ASPH: variants seen among roughly 807,000 people sequenced by gnomAD.
ASPH encodes aspartate beta-hydroxylase.
A neutral mutation model predicts 118.4 loss-of-function variants in ASPH; 100 were observed. That is an observed-to-expected ratio of 0.84 (90% CI 0.72 to 1.00). ASPH has a LOEUF of 1.00. Ranked by LOEUF, ASPH falls within the 50% of genes least tolerant of loss-of-function variation. The pLI is 0.00. For missense variants in ASPH, 920 were observed against 919.5 expected, an observed-to-expected ratio of 1.00 and a Z score of -0.01; for synonymous variants, 315 against 325.6, an observed-to-expected ratio of 0.97 and a Z score of 0.35.
At chr8:61,649,925 G>A (rs190236011) in intron 5 of ASPH, among the ~76,000 whole-genome samples, 5 of 152,080 alleles carry the variant, frequency 3.3e-5, no homozygotes, top group African/African-American at 1.2e-4. Flanking sequence ...TATTCCACGT[G>A]CCAGCCATTC....
At chr8:61,658,908 A>C (rs189291397) in intron 3 of ASPH, 21 of 152,404 alleles carry the variant, frequency 1.4e-4, no homozygotes, top group African/African-American at 4.8e-4. Flanking sequence ...TATTAGTGTC[A>C]GTTACTAGGA....
intron 16 of ASPH, among the ~76,000 whole-genome samples, chr8:61,572,015 T>C (rs16927563): frequency 0.17 from 26,119 of 152,186 alleles, 3,930 homozygotes; most frequent in African/African-American, 0.39. Flanking sequence ...ACAAGAGGAA[T>C]TTATTTGAAT....
At chr8:61,539,878 A>C (rs547618120) in intron 21 of ASPH, among the ~76,000 whole-genome samples, 1 of 152,102 alleles carries the variant, frequency 6.6e-6, no homozygotes, top group Non-Finnish European at 1.5e-5. Context: ...GTGTGGATCA[A>C]ATAGTTAATC....
chr8:61,669,096 A>G (rs1821106987), intron 3 of ASPH, among the ~76,000 whole-genome samples: 1 of 152,328 alleles, frequency 6.6e-6, no homozygotes, highest in South Asian at 2.1e-4. Context: ...CTCCTCAGGA[A>G]GGGTGGCCTT....
At chr8:61,527,251 T>C (rs1815734208) in intron 21 of ASPH, among the ~76,000 whole-genome samples, 1 of 152,112 alleles carries the variant, frequency 6.6e-6, no homozygotes, top group Non-Finnish European at 1.5e-5. Context: ...TTCTCTATCA[T>C]TTGAATTGGT....
intron 13 of ASPH, among the ~76,000 whole-genome samples, chr8:61,628,784 T>C (rs1240170296): frequency 6.6e-6 from 1 of 152,200 alleles, no homozygotes. Context: ...TACTCCACCA[T>C]GTACCCACAG....
chr8:61,620,700 G>T (rs925973083), intron 13 of ASPH, among the ~76,000 whole-genome samples: 2 of 152,198 alleles, frequency 1.3e-5, no homozygotes, highest in African/African-American at 4.8e-5. Context: ...TTCCAGTCCT[G>T]AAGGAGCTCT....
chr8:61,606,528 T>G (rs1380849283), intron 14 of ASPH: 1 of 152,220 alleles, frequency 6.6e-6, no homozygotes, highest in Non-Finnish European at 1.5e-5. Context: ...GTTGATATTT[T>G]AATTGTGGTA....
In ASPH at chr8:61,648,301, G is replaced by A. The variant is rs1017916552; in HGVS notation, c.491-1423C>T. 3.3e-5 allele frequency among the ~76,000 whole-genome samples: 5 copies of A among 152,284 alleles called. No individual in the cohort carries two copies. The East Asian group carries it at 7.7e-4, about 24-fold the overall frequency. On this transcript the variant is annotated intron_variant, in intron 5 of 24. Coordinates refer to ENST00000379454, the MANE Select transcript of ASPH (RefSeq NM_004318.4). The stretch of plus-strand genomic sequence containing the variant: ...CTACCCCACAACCCCAGCCCAGACT[G>A]CAAGAAGCCTTCCTTAGTTACTCTC...
At chr8:61,518,374 C>A (rs1343747072) in intron 22 of ASPH, among the ~76,000 whole-genome samples, 13 of 152,096 alleles carry the variant, frequency 8.5e-5, no homozygotes, top group Admixed American at 7.9e-4. Context: ...CGGTGTTGGA[C>A]TATTTGACTA....
chr8:61,562,616 T>A, intron 18 of ASPH, 128 bp downstream of exon 18: 1 of 970,202 alleles, frequency 1.0e-6, no homozygotes, highest in Non-Finnish European at 1.4e-6. Context: ...TTAGAATATG[T>A]TAACTATAAT....
Position 61,548,080 on chromosome 8 carries a change from C to T in ASPH, c.1755G>A (p.Glu585=). 2 of 1,613,224 alleles carry T rather than the reference C, an allele frequency of 1.2e-6. No homozygotes were observed. The highest frequency in any genetic ancestry group is 1.7e-6 in the Non-Finnish European group (2 of 1,179,478). Residue 585 remains glutamate, a synonymous_variant, in exon 21 of 25, where the codon GAG becomes GAA. Transcript: ENST00000379454. ...TCTAAGTTATACTTACCTTTACTAA[C>T]TCTGTGTAGCCCGTTTCTTTTGGGG... ...WWTPKETGYT[E]LVKSLERNWK...
intron 24 of ASPH, among the ~76,000 whole-genome samples, chr8:61,510,721 T>C (rs1366917076): frequency 6.6e-6 from 1 of 152,152 alleles, no homozygotes. Context: ...TGTGTTTAAC[T>C]CACCAAGTTG....
At chr8:61,604,089 G>A (rs1844889106) in intron 14 of ASPH, among the ~76,000 whole-genome samples, 1 of 152,220 alleles carries the variant, frequency 6.6e-6, no homozygotes, top group South Asian at 2.1e-4. Flanking sequence ...AGATTATGGG[G>A]TGCCTTGAAC....
chr8:61,660,305 G>T (rs1299547178), intron 3 of ASPH: 2 of 152,058 alleles, frequency 1.3e-5, no homozygotes, highest in Non-Finnish European at 2.9e-5. Flanking sequence ...AGTAGGAATG[G>T]GATGGGTAGA....
chr8:61,526,202 G>A lies in ASPH; in HGVS notation c.1765-90C>T. 5 of 1,503,908 alleles carry A rather than the reference G, an allele frequency of 3.3e-6. No individual in the cohort carries two copies. In the South Asian group the frequency reaches 6.1e-5, roughly 18 times the overall value. The allele number at this position is 1,503,908 out of a possible 1,614,324, so 93.2% of individuals were successfully genotyped here. A position where few individuals can be genotyped will look rare whatever the true frequency, so the allele number is the denominator to read the frequency against. On this transcript the variant is annotated intron_variant, in intron 21 of 24. Coordinates refer to ENST00000379454, the MANE Select transcript of ASPH (RefSeq NM_004318.4). ...CTTGTTTTTTTTGAGGTTCGTCTCA[G>A]AAAGGAACTAATTCTTTGCCTTATC...
chr8:61,554,260 G>C (rs929970649), intron 19 of ASPH, among the ~76,000 whole-genome samples: 1 of 152,224 alleles, frequency 6.6e-6, no homozygotes, highest in African/African-American at 2.4e-5. Flanking sequence ...GCAGGGAAGT[G>C]AGCCAGATAT....
At position 61,503,277 on chromosome 8, in the gene ASPH, G is replaced by A. The variant is rs1246014942; in HGVS notation, c.*82C>T. 8.2e-6 allele frequency: 12 copies of A among 1,470,092 alleles called. No individual in the cohort carries two copies. Among genetic ancestry groups the A allele is most frequent in the South Asian group, 1.4e-5 (1 of 71,298 alleles). 91.1% of individuals were successfully genotyped at this position (1,470,092 alleles called of 1,614,324 possible). ...TCAAGGGAATTGACTCTTGGTGTTC[G>A]AAATTCTATCCTCACACCCAAGGAG... is the stretch of plus-strand genomic sequence containing the variant. On this transcript the variant is annotated 3_prime_UTR_variant, in exon 25 of 25. Coordinates refer to ENST00000379454, the MANE Select transcript of ASPH (RefSeq NM_004318.4).
At chr8:61,568,356 T>C (rs1211143434) in intron 16 of ASPH, among the ~76,000 whole-genome samples, 1 of 152,004 alleles carries the variant, frequency 6.6e-6, no homozygotes, top group African/African-American at 2.4e-5. Context: ...GATTTGCTGA[T>C]TGTCTAAATG....
Sources: allele counts gnomAD v4.1 joint callset (sites outside exome capture counted in the v4.1 genomes callset), GRCh38; gene constraint gnomAD v4.1.1; transcripts MANE v1.5; gene names NCBI Gene and HGNC (gene_info 2026-07-23, HGNC 2026-07-21).